The following CABIN1 variants were observed in gnomAD, a reference collection of about 807,000 sequenced individuals.
CABIN1 encodes calcineurin-binding protein cabin-1.
In CABIN1, 133 loss-of-function variants were observed where a neutral mutation model predicts 227.7. That is an observed-to-expected ratio of 0.58 (90% confidence interval 0.51 to 0.67). The LOEUF is 0.67. Ranked by LOEUF, CABIN1 falls within the 30% of genes least tolerant of loss-of-function variation. The probability of loss-of-function intolerance (pLI) is 0.00; values close to 1 mark genes in which losing one functional copy is unlikely to be tolerated. For missense variants in CABIN1, 2,408 were observed against 2,852.5 expected (o/e 0.84, Z 3.55); for synonymous variants, 1,086 against 1,155.1 (o/e 0.94, Z 1.21).
At chr22:24,129,471 G>T (rs890714203) in intron 28 of CABIN1, among the ~76,000 whole-genome samples, 6 of 152,308 alleles carry the variant, frequency 3.9e-5, no homozygotes, top group African/African-American at 1.2e-4. Flanking sequence ...CCCCACTCAC[G>T]CCCCATGGCT....
intron 29 of CABIN1, among the ~76,000 whole-genome samples, chr22:24,135,456 G>T (rs974418960): frequency 6.6e-6 from 1 of 152,134 alleles, no homozygotes; most frequent in Non-Finnish European, 1.5e-5. Flanking sequence ...TGCGTGTCAG[G>T]TGGAGACTTA....
At chr22:24,071,949 A>T (rs953799370) in intron 17 of CABIN1, among the ~76,000 whole-genome samples, 13 of 151,880 alleles carry the variant, frequency 8.6e-5, no homozygotes, top group African/African-American at 2.7e-4. Context: ...TAAGGCTCTC[A>T]CCTGTCTGCC....
rs1328889600 is a variant in CABIN1 at position 24,167,427 on chromosome 22, T to G, written c.5682+114T>G. The G allele has an allele frequency of 1.6e-5, 14 of 901,816 alleles. No individual in the cohort carries two copies. The South Asian group carries it at 1.9e-4, about 12-fold the overall frequency. 55.9% of individuals were successfully genotyped at this position (901,816 alleles called of 1,614,324 possible). On this transcript the variant is annotated intron_variant, in intron 32 of 36. Coordinates refer to ENST00000263119, the MANE Select transcript of CABIN1 (RefSeq NM_012295.4). The stretch of plus-strand genomic sequence containing the variant: ...CTGCCCTTGGGGCGGGTTTTAGGTG[T>G]TGTTCCCACACCATCCCTGCTGTTC...
intron 34 of CABIN1, chr22:24,173,508 C>G (rs2046945380): frequency 6.6e-6 from 1 of 152,152 alleles, no homozygotes; most frequent in African/African-American, 2.4e-5. Flanking sequence ...CCCAGAGGAG[C>G]CTGTGAAGGC....
In CABIN1 at chr22:24,024,492, T is replaced by A. The variant is rs1178459429; in HGVS notation, c.-74-10952T>A. ...ATAAGTTGACTATAATGTGTCTCAATGTGGATGTCTTTGAATGTGTACTTC... is the reference window on the plus strand; with the variant it reads ...ATAAGTTGACTATAATGTGTCTCAAAGTGGATGTCTTTGAATGTGTACTTC... On this transcript the variant is annotated intron_variant, in intron 1 of 36. Coordinates refer to ENST00000263119, the MANE Select transcript of CABIN1 (RefSeq NM_012295.4). Among the ~76,000 whole-genome samples, 3 of 152,344 alleles carry A rather than the reference T, an allele frequency of 2.0e-5. No individual in the cohort carries two copies. The East Asian group carries it at 5.8e-4, about 29-fold the overall frequency.
rs1386949646 is a variant in CABIN1, at chr22:24,134,308, C to T, written c.4639C>T (p.Gln1547Ter). The part of the protein sequence containing the change: ...YTYSKTHRNL[Q>*]WARDVLLGSS... Reference sequence around the variant, plus strand: ...CTACTTCTTGTTTCCCCAGAACCTCCAGTGGGCCCGCGACGTGTTGCTAGG... The same window carrying T: ...CTACTTCTTGTTTCCCCAGAACCTCTAGTGGGCCCGCGACGTGTTGCTAGG... The change falls in exon 29 of 37, where the codon CAG (glutamine) becomes TAG (stop). Residue 1547 changes from glutamine (Q) to a stop codon, truncating the protein, a stop_gained. Coordinates refer to ENST00000263119, the MANE Select transcript of CABIN1 (RefSeq NM_012295.4). LOFTEE classifies it high-confidence loss of function. 6.2e-7 allele frequency: 1 copy of T among 1,613,594 alleles called. No individual in the cohort carries two copies. The highest frequency in any genetic ancestry group is 8.5e-7 in the Non-Finnish European group (1 of 1,179,672).
rs555219930 is a variant in CABIN1 at position 24,095,657 on chromosome 22, TATC to T, written c.3787-271_3787-269del. Among the ~76,000 whole-genome samples the T allele has an allele frequency of 5.9e-5, 9 of 152,318 alleles. No homozygotes were observed. The South Asian group carries it at 1.7e-3, about 28-fold the overall frequency. On this transcript the variant is annotated intron_variant, in intron 24 of 36. Coordinates refer to ENST00000263119, the MANE Select transcript of CABIN1 (RefSeq NM_012295.4). ...TGCCCAGTGAACGGAGCTGAAGGGT[TATC>T]ATAATGAGTGGTTATTACTCTCATC...
chr22:24,016,943 C>T (rs1443290427), intron 1 of CABIN1, among the ~76,000 whole-genome samples: 2 of 150,518 alleles, frequency 1.3e-5, no homozygotes, highest in African/African-American at 2.4e-5. Context: ...TTTATCTGTT[C>T]GTATTTTTTC....
chr22:24,170,562 C>G (rs544033708), intron 33 of CABIN1, among the ~76,000 whole-genome samples: 79 of 152,308 alleles, frequency 5.2e-4, no homozygotes, highest in African/African-American at 1.9e-3. Context: ...TCCTCCTGCC[C>G]CGCACTCCCA....
chr22:24,133,223 G>C (rs2044179991), intron 28 of CABIN1, among the ~76,000 whole-genome samples: 1 of 152,210 alleles, frequency 6.6e-6, no homozygotes, highest in Admixed American at 6.5e-5. Context: ...CATCCCGGTG[G>C]GGGCAGAAGG....
intron 1 of CABIN1, among the ~76,000 whole-genome samples, chr22:24,019,536 T>C (rs1215275825): frequency 6.6e-6 from 1 of 152,132 alleles, no homozygotes; most frequent in Non-Finnish European, 1.5e-5. Context: ...ATTACAGGCA[T>C]GAGCCACCAT....
chr22:24,158,019 C>A (rs1344052699), intron 29 of CABIN1, among the ~76,000 whole-genome samples: 1 of 152,210 alleles, frequency 6.6e-6, no homozygotes, highest in Non-Finnish European at 1.5e-5. Flanking sequence ...CAACAGGCTC[C>A]CCGCCCTCGC....
intron 34 of CABIN1, among the ~76,000 whole-genome samples, chr22:24,173,609 G>T (rs1220934740): frequency 2.6e-5 from 4 of 152,326 alleles, no homozygotes; most frequent in Non-Finnish European, 1.5e-5. Context: ...GCCGAGGTGG[G>T]CGGATCACGA....
chr22:24,104,490 G>A (rs759745521), intron 26 of CABIN1, among the ~76,000 whole-genome samples: 2 of 152,184 alleles, frequency 1.3e-5, no homozygotes, highest in Admixed American at 6.5e-5. Context: ...GCCAGGCTTC[G>A]AGGTGCCTGG....
chr22:24,103,508 G>A (rs912374653), intron 26 of CABIN1, among the ~76,000 whole-genome samples: 1 of 152,140 alleles, frequency 6.6e-6, no homozygotes, highest in African/African-American at 2.4e-5. Context: ...AGTCCTAAAG[G>A]GCAGGCCCAC....
At position 24,033,716 on chromosome 22, in the gene CABIN1, C is replaced by T. The variant is rs888607870; in HGVS notation, c.-74-1728C>T. On this transcript the variant is annotated intron_variant, in intron 1 of 36. Coordinates refer to ENST00000263119, the MANE Select transcript of CABIN1 (RefSeq NM_012295.4). ...GGATTCCCCTTCATCCCTGCTGTCA[C>T]GGGTCCATCTGGGATCCTGGCATCT... Among the ~76,000 whole-genome samples, 9 of 152,208 alleles carry T rather than the reference C, an allele frequency of 5.9e-5. No individual in the cohort carries two copies. The South Asian group carries it at 8.3e-4, about 14-fold the overall frequency.
intron 23 of CABIN1, 33 bp from the exon 24 acceptor site, chr22:24,091,550 T>C (rs2041541729): frequency 6.2e-7 from 1 of 1,614,024 alleles, no homozygotes; most frequent in East Asian, 2.2e-5. Context: ...GGTTCAGGCG[T>C]AAGGCCAGCC....
chr22:24,064,111 A>T lies in CABIN1; in HGVS notation c.1961A>T (p.Glu654Val). 6.2e-7 allele frequency: 1 copy of T among 1,614,124 alleles called. No individual in the cohort carries two copies. The highest frequency in any genetic ancestry group is 8.5e-7 in the Non-Finnish European group (1 of 1,179,988). ...CAGAGTTCCACCGCCATCCAGGTGGAGGCAGGGGCTGAACGAAGAGACATT... is the reference window on the plus strand; with the variant it reads ...CAGAGTTCCACCGCCATCCAGGTGGTGGCAGGGGCTGAACGAAGAGACATT... Reference protein sequence around the residue: ...MLQSSTAIQVEAGAERRDIVI... With the variant: ...MLQSSTAIQVVAGAERRDIVI... The change falls in exon 15 of 37, where the codon GAG becomes GTG. Residue 654 changes from glutamate to valine, a missense_variant. Physicochemically the swap from Glu to Val is moderately radical, Grantham distance 121. Around this residue, in one of 3 missense-constraint regions of CABIN1, gnomAD observed 1,045 missense variants for 1,168.4 expected, o/e 0.89. Coordinates refer to ENST00000263119, the MANE Select transcript of CABIN1 (RefSeq NM_012295.4).
intron 14 of CABIN1, 143 bp from the exon 15 acceptor site, chr22:24,063,892 C>T: frequency 1.1e-6 from 1 of 948,558 alleles, no homozygotes. Context: ...CATGCCAGGC[C>T]TTTCTTAGGG....
Sources: allele counts gnomAD v4.1 joint callset (sites outside exome capture counted in the v4.1 genomes callset), GRCh38; gene constraint gnomAD v4.1.1; regional missense constraint gnomAD v4.1.1; transcripts MANE v1.5; gene names NCBI Gene and HGNC (gene_info 2026-07-23, HGNC 2026-07-21).